The following ERICH1 variants were observed in gnomAD, a reference collection of about 807,000 sequenced individuals.
ERICH1 encodes glutamate rich 1, also known as glutamate-rich protein 1.
A neutral mutation model predicts 39.6 loss-of-function variants in ERICH1; 56 were observed. The observed-to-expected ratio is 1.41, with a 90% confidence interval of 1.14 to 1.77. The LOEUF is 1.77. ERICH1 is among the 40% of genes most tolerant of loss of function. The pLI is 0.00. For missense variants in ERICH1, 826 were observed against 575.4 expected (o/e 1.44, Z -4.45); for synonymous variants, 313 against 223.6 (o/e 1.40, Z -3.57).
intron 3 of ERICH1, among the ~76,000 whole-genome samples, chr8:679,805 G>A (rs1344569546): frequency 6.6e-6 from 1 of 152,194 alleles, no homozygotes; most frequent in Non-Finnish European, 1.5e-5. Context: ...GACAACGTGT[G>A]CAAGAGCTGG....
chr8:727,500 G>T (rs1215416446), intron 1 of ERICH1, among the ~76,000 whole-genome samples: 1 of 152,240 alleles, frequency 6.6e-6, no homozygotes, highest in Non-Finnish European at 1.5e-5. Context: ...GGAGTCTCAG[G>T]AAGACAGAGG....
intron 3 of ERICH1, among the ~76,000 whole-genome samples, chr8:617,944 AT>A (rs1372122230): frequency 3.9e-5 from 5 of 128,394 alleles, no homozygotes; most frequent in African/African-American, 9.4e-5. Context: ...TACTTGGTCC[AT>A]TCTCACTGCC....
At chr8:635,889 G>C (rs567569479) in intron 3 of ERICH1, among the ~76,000 whole-genome samples, 1 of 152,172 alleles carries the variant, frequency 6.6e-6, no homozygotes, top group Non-Finnish European at 1.5e-5. Context: ...TCCTTCAAAG[G>C]TTCACCCCAT....
At chr8:710,517 T>C (rs1228066477) in intron 2 of ERICH1, among the ~76,000 whole-genome samples, 3 of 151,520 alleles carry the variant, frequency 2.0e-5, no homozygotes, top group Non-Finnish European at 2.9e-5. Flanking sequence ...TTCACCGTCC[T>C]GCAAGGCCCC....
chr8:674,041 T>C lies in ERICH1; in HGVS notation c.311A>G (p.Asp104Gly). ...TCTTCTCTTTGGCTGGTCATGAGGA[T>C]CCTGATCTGTTAAAAAAATTCAAAT... ...ASSGDDTEDQ[D>G]PHDQPKRRRI... The change falls in exon 4 of 6, where the codon GAT (aspartate) becomes GGT (glycine). Residue 104 changes from aspartate (D) to glycine (G), a missense_variant. Coordinates refer to ENST00000262109, the MANE Select transcript of ERICH1 (RefSeq NM_207332.3). 9 of 1,540,852 alleles carry C rather than the reference T, an allele frequency of 5.8e-6. No homozygotes were observed. Among genetic ancestry groups the C allele is most frequent in the Non-Finnish European group, 7.8e-6 (9 of 1,157,708 alleles).
downstream of ERICH1, among the ~76,000 whole-genome samples, chr8:663,450 C>T (rs1167444594): frequency 2.0e-5 from 3 of 152,136 alleles, no homozygotes; most frequent in African/African-American, 4.8e-5. Context: ...ACCAGGCGAC[C>T]GTGCAGTTCC....
chr8:709,506 T>C (rs576389144), intron 2 of ERICH1, among the ~76,000 whole-genome samples: 2 of 152,376 alleles, frequency 1.3e-5, no homozygotes, highest in Non-Finnish European at 2.9e-5. Flanking sequence ...CCTTCTCATT[T>C]GCTCCCTGGA....
chr8:707,065 T>C (rs1813441803), intron 2 of ERICH1, among the ~76,000 whole-genome samples: 1 of 152,112 alleles, frequency 6.6e-6, no homozygotes, highest in South Asian at 2.1e-4. Context: ...CCCACACTTC[T>C]CAATTCAAAA....
rs190917699 is a variant in ERICH1 at position 641,646 on chromosome 8, G to C, written c.977-26362C>G. 1.6e-3 allele frequency among the ~76,000 whole-genome samples: 242 copies of C among 152,358 alleles called. 1 individual carries two copies. Among genetic ancestry groups the C allele is most frequent in the Admixed American group, 3.1e-3 (48 of 15,308 alleles). ...GGGAGGAGGTAGTGTGTCTGAGCGT[G>C]ATCTAATCAGTGGAGAACGCAGCGG... On this transcript the variant is annotated intron_variant, in intron 3 of 3. Coordinates refer to the ERICH1 transcript ENST00000522706.
chr8:686,140 G>C (rs1807306062), intron 3 of ERICH1, among the ~76,000 whole-genome samples: 1 of 152,154 alleles, frequency 6.6e-6, no homozygotes, highest in Non-Finnish European at 1.5e-5. Context: ...GGATGACAGA[G>C]CGAGACTCCA....
At chr8:620,492 T>C (rs921024521) in intron 3 of ERICH1, among the ~76,000 whole-genome samples, 114 of 152,326 alleles carry the variant, frequency 7.5e-4, no homozygotes, top group African/African-American at 2.7e-3. Flanking sequence ...TCTCTGTGTG[T>C]GTCTGTATAG....
At chr8:708,438 A>G (rs898624239) in intron 2 of ERICH1, among the ~76,000 whole-genome samples, 3 of 152,206 alleles carry the variant, frequency 2.0e-5, no homozygotes, top group Admixed American at 1.3e-4. Context: ...AATGTGGTCT[A>G]TTCATACAGT....
At chr8:636,267 C>G (rs992964412) in intron 3 of ERICH1, among the ~76,000 whole-genome samples, 1 of 152,260 alleles carries the variant, frequency 6.6e-6, no homozygotes, top group African/African-American at 2.4e-5. Context: ...TGAAGCTCAG[C>G]TGCGTGGCCA....
chr8:637,656 C>T (rs1474169473), intron 3 of ERICH1: 2 of 152,288 alleles, frequency 1.3e-5, no homozygotes, highest in Non-Finnish European at 2.9e-5. Flanking sequence ...AGGATGACCT[C>T]ACAGGGCCAC....
intron 3 of ERICH1, among the ~76,000 whole-genome samples, chr8:634,183 A>AAAAAAAAAACAAACAAACAAAAAACAAAC (rs1554481909): frequency 7.4e-6 from 1 of 135,804 alleles, no homozygotes; most frequent in African/African-American, 2.9e-5. Flanking sequence ...AAAAAAAAAA[A>AAAAAAAAAACAAACAAACAAAAAACAAAC]AAACAAACAA....
intron 2 of ERICH1, among the ~76,000 whole-genome samples, chr8:701,187 G>A (rs1282669333): frequency 6.6e-6 from 1 of 152,250 alleles, no homozygotes. Context: ...CCAGACGGGA[G>A]CACACCGTAC....
Position 673,609 on chromosome 8 carries a change from T to A in ERICH1, c.743A>T (p.Glu248Val). ...SEEDLTRARQ[E>V]EGADASEEDP... ...TTCCTCACTGGCGTCCGCACCCTCTTCCTGCCTGGCCCGTGTCAGGTCTTC... is the reference window on the plus strand; with the variant it reads ...TTCCTCACTGGCGTCCGCACCCTCTACCTGCCTGGCCCGTGTCAGGTCTTC... Residue 248 changes from glutamate to valine, a missense_variant, in exon 4 of 6, where the codon GAA becomes GTA. Coordinates refer to ENST00000262109, the MANE Select transcript of ERICH1 (RefSeq NM_207332.3). The A allele has an allele frequency of 6.5e-7, 1 of 1,550,262 alleles. No homozygotes were observed. Among genetic ancestry groups the A allele is most frequent in the South Asian group, 1.1e-5 (1 of 87,930 alleles).
intron 2 of ERICH1, among the ~76,000 whole-genome samples, chr8:713,513 C>T (rs1008850957): frequency 1.3e-5 from 2 of 152,148 alleles, no homozygotes; most frequent in African/African-American, 4.8e-5. Context: ...ATCTAGGAGA[C>T]GTGAAGGGAA....
chr8:675,691 A>G (rs1321046748), intron 3 of ERICH1, among the ~76,000 whole-genome samples: 13 of 1,194 alleles, frequency 0.011, no homozygotes, highest in Non-Finnish European at 0.012. Flanking sequence ...GAGGACAGAG[A>G]CGCGGCGGCC....
Sources: allele counts gnomAD v4.1 joint callset (sites outside exome capture counted in the v4.1 genomes callset), GRCh38; gene constraint gnomAD v4.1.1; transcripts MANE v1.5; gene names NCBI Gene and HGNC (gene_info 2026-07-23, HGNC 2026-07-21).